COL4A5: variants seen among roughly 807,000 people sequenced by gnomAD.
COL4A5 encodes the protein collagen alpha-5(IV) chain.
COL4A5 carries 26 observed loss-of-function variants against 130.2 expected under a neutral mutation model. That is an observed-to-expected ratio of 0.20 (90% confidence interval 0.15 to 0.28). The LOEUF is 0.28. Among genes scored for constraint, COL4A5 ranks in the 10% least tolerant of loss-of-function variants. The pLI, the probability that COL4A5 is intolerant of heterozygous loss-of-function variation, is 1.00. For missense variants in COL4A5, 1,131 were observed against 1,344.3 expected, an observed-to-expected ratio of 0.84 and a Z score of 2.48; for synonymous variants, 496 against 439.6, an observed-to-expected ratio of 1.13 and a Z score of -1.60.
At chrX:108,518,300 A>AC (rs1239413065) in intron 1 of COL4A5, among the ~76,000 whole-genome samples, 2 of 111,563 alleles carry the variant, frequency 1.8e-5, no homozygotes, top group Admixed American at 9.5e-5. Context: ...TAAAAAATTT[A>AC]CCCTAAGTGA....
In COL4A5 at chrX:108,677,366, G is replaced by C; in HGVS notation, c.3809-134G>C. On this transcript the variant is annotated intron_variant, in intron 43 of 52. Coordinates refer to ENST00000328300, the MANE Select transcript of COL4A5 (RefSeq NM_033380.3). ...TTATATTAGAAAGGGAATCAGCATA[G>C]GTCTAGATATTTTAATGTTGTGTGG... 3 of 573,540 alleles carry C rather than the reference G, an allele frequency of 5.2e-6. No homozygotes were observed. In the South Asian group the frequency reaches 9.7e-5, roughly 19 times the overall value. The allele number at this position is 573,540 out of a possible 1,213,427, so 47.3% of individuals were successfully genotyped here.
intron 36 of COL4A5, among the ~76,000 whole-genome samples, chrX:108,647,140 G>T (rs1178819013): frequency 2.7e-5 from 3 of 110,319 alleles, no homozygotes; most frequent in African/African-American, 1.0e-4. Flanking sequence ...AGCTTGATGG[G>T]GATGGCATTG....
chrX:108,689,361 T>A (rs2068608240), intron 49 of COL4A5: 1 of 747,522 alleles, frequency 1.3e-6, no homozygotes, highest in South Asian at 6.9e-5. Flanking sequence ...ACCTACCAGG[T>A]CAACAGAGGA....
intron 22 of COL4A5, among the ~76,000 whole-genome samples, 181 bp from the exon 23 acceptor site, chrX:108,596,817 A>G (rs1181242902): frequency 8.9e-6 from 1 of 111,917 alleles, no homozygotes; most frequent in Non-Finnish European, 1.9e-5. Flanking sequence ...AAGGATGATT[A>G]CCTCATTTTG....
chrX:108,583,031 C>T, intron 17 of COL4A5, 94 bp downstream of exon 17: 1 of 711,307 alleles, frequency 1.4e-6, no homozygotes, highest in Non-Finnish European at 2.2e-6. Context: ...AAAAAGTCTA[C>T]ATAACTAGCT....
At position 108,601,959 on chromosome X, in the gene COL4A5, A is replaced by G. The variant is rs1369565068; in HGVS notation, c.2116A>G (p.Ile706Val). The G allele has an allele frequency of 2.6e-6, 3 of 1,153,326 alleles. No individual in the cohort carries two copies. Among genetic ancestry groups the G allele is most frequent in the Non-Finnish European group, 3.5e-6 (3 of 855,310 alleles). ...GSKGEPGIPG[I>V]GLPGPPGPKG... ...CAAAGGAGAACCAGGTATCCCTGGA[A>G]TTGGGCTTCCTGGACCACCTGGTCC... Residue 706 changes from isoleucine (I) to valine (V), a missense_variant, in exon 27 of 53, where the codon ATT becomes GTT. Ile to Val is a conservative substitution (Grantham distance 29). Transcript: ENST00000328300.
chrX:108,670,777 C>T, intron 42 of COL4A5: 4 of 308,026 alleles, frequency 1.3e-5, no homozygotes, highest in South Asian at 6.0e-5. Context: ...CACCATGGCT[C>T]ATGACTGTAA....
intron 6 of COL4A5, among the ~76,000 whole-genome samples, chrX:108,570,602 A>C (rs1336363090): frequency 8.9e-6 from 1 of 112,040 alleles, no homozygotes; most frequent in Non-Finnish European, 1.9e-5. Context: ...TTGGAGCCAC[A>C]ATGTATAGGT....
At chrX:108,649,879 A>G (rs771375934) in intron 36 of COL4A5, among the ~76,000 whole-genome samples, 2 of 111,629 alleles carry the variant, frequency 1.8e-5, no homozygotes, top group South Asian at 7.5e-4. Context: ...GCCCAAACAC[A>G]AATGCAATAA....
chrX:108,531,015 A>G (rs1216567892), intron 1 of COL4A5, among the ~76,000 whole-genome samples: 128 of 103,138 alleles, frequency 1.2e-3, no homozygotes, highest in Admixed American at 2.7e-3. Context: ...TACACCATGG[A>G]ATACTATGCA....
At chrX:108,617,083 C>G (rs1281760385) in intron 30 of COL4A5, among the ~76,000 whole-genome samples, 1 of 110,661 alleles carries the variant, frequency 9.0e-6, no homozygotes, top group Non-Finnish European at 1.9e-5. Flanking sequence ...GAAATGTTCT[C>G]AAATCACAGT....
chrX:108,476,555 A>C, intron 1 of COL4A5, among the ~76,000 whole-genome samples: 3 of 84,636 alleles, frequency 3.5e-5, no homozygotes, highest in Admixed American at 1.5e-4. Context: ...CCTATTAACC[A>C]TCCCCACCTC....
At chrX:108,528,461 T>G (rs980981439) in intron 1 of COL4A5, among the ~76,000 whole-genome samples, 5 of 112,048 alleles carry the variant, frequency 4.5e-5, no homozygotes, top group Non-Finnish European at 9.4e-5. Flanking sequence ...ACAAGAAATA[T>G]GAAAAAGCAA....
intron 1 of COL4A5, among the ~76,000 whole-genome samples, chrX:108,473,692 T>TGCAGTGGC (rs2064805183): frequency 3.4e-5 from 3 of 88,125 alleles, no homozygotes; most frequent in Non-Finnish European, 6.7e-5. Flanking sequence ...AGTGCAGTGG[T>TGCAGTGGC]GCAATCTCGG....
At chrX:108,598,627 C>G in intron 24 of COL4A5, 75 bp from the exon 25 acceptor site, 1 of 952,562 alleles carries the variant, frequency 1.0e-6, no homozygotes, top group East Asian at 3.1e-5. Flanking sequence ...TATCCTTTCC[C>G]CAGTTGTATT....
chrX:108,522,954 T>G (rs2065278930), intron 1 of COL4A5, among the ~76,000 whole-genome samples: 1 of 107,260 alleles, frequency 9.3e-6, no homozygotes, highest in Non-Finnish European at 1.9e-5. Context: ...CTTGGCTCAC[T>G]GCAACCTCCG....
chrX:108,462,712 C>G (rs779646117), intron 1 of COL4A5: 1 of 112,845 alleles, frequency 8.9e-6, no homozygotes, highest in Admixed American at 9.4e-5. Flanking sequence ...CCTATCCTCC[C>G]TCTCTTGTAA....
chrX:108,538,954 G>A (rs1282213889), intron 1 of COL4A5, among the ~76,000 whole-genome samples: 1 of 111,693 alleles, frequency 9.0e-6, no homozygotes, highest in Non-Finnish European at 1.9e-5. Flanking sequence ...GACTGTGGGA[G>A]CAGCATTTAT....
intron 4 of COL4A5, among the ~76,000 whole-genome samples, chrX:108,566,262 A>T (rs1165392936): frequency 1.8e-5 from 2 of 109,901 alleles, no homozygotes; most frequent in African/African-American, 6.6e-5. Context: ...CATTATATGC[A>T]CATGGAATTT....
Sources: gnomAD v4.1 joint callset for allele counts (sites outside exome capture counted in the v4.1 genomes callset) on GRCh38, gnomAD v4.1.1 for gene constraint, MANE v1.5 for transcripts, NCBI Gene and HGNC (gene_info 2026-07-23, HGNC 2026-07-21) for gene names.